DACT3: variants seen among roughly 807,000 people sequenced by gnomAD.
DACT3 encodes the protein dishevelled binding antagonist of beta catenin 3.
Under a neutral mutation model 19.6 loss-of-function variants are expected in DACT3, and 5 were observed. The observed-to-expected ratio is 0.26, with a 90% CI of 0.13 to 0.54. The LOEUF is 0.54. DACT3 is among the 20% of genes least tolerant of loss of function. The pLI is 0.95. For missense variants in DACT3, 908 were observed against 927.4 expected (o/e 0.98, Z 0.27); for synonymous variants, 454 against 428.1 (o/e 1.06, Z -0.75).
chr19:46,649,606 G>C lies in DACT3; in HGVS notation c.766C>G (p.Leu256Val). The C allele has an allele frequency of 5.3e-6, 6 of 1,129,420 alleles. No individual in the cohort carries two copies. The highest frequency in any genetic ancestry group is 2.9e-5 in the South Asian group (1 of 34,886). The allele number at this position is 1,129,420 out of a possible 1,614,324, so 70.0% of individuals were successfully genotyped here. A position where few individuals can be genotyped will look rare whatever the true frequency, so the allele number is the denominator to read the frequency against. The part of the protein sequence containing the change: ...GRPLDGYISA[L>V]LRRRRRRGAG... ...CCCCGGCGGCGGCGCCTGCGCAGGAGCGCCGAGATGTAGCCGTCCAGGGGC... is the reference window on the plus strand; with the variant it reads ...CCCCGGCGGCGGCGCCTGCGCAGGACCGCCGAGATGTAGCCGTCCAGGGGC... The change falls in exon 4 of 4, where the codon CTC becomes GTC. Residue 256 changes from leucine (L) to valine (V), a missense_variant. Leu to Val is a conservative substitution (Grantham distance 32, BLOSUM62 1). Around this residue, in one of 2 missense-constraint regions of DACT3, gnomAD observed 656 missense variants for 601.8 expected, o/e 1.09. Coordinates refer to ENST00000391916, the MANE Select transcript of DACT3 (RefSeq NM_145056.3).
rs566878768 is a variant in DACT3, at chr19:46,659,390, G to C, written c.249+1426C>G. 19 of 974,538 alleles carry C rather than the reference G, an allele frequency of 1.9e-5. No individual in the cohort carries two copies. The East Asian group carries it at 1.4e-3, about 71-fold the overall frequency. The allele number at this position is 974,538 out of a possible 1,614,324, so 60.4% of individuals were successfully genotyped here. On this transcript the variant is annotated intron_variant, in intron 1 of 3. Transcript: ENST00000391916. The stretch of plus-strand genomic sequence containing the variant: ...AAAAGGGGAGAGACCGAGGGCAGAG[G>C]GGGAGAGGACACAGCTACCCACAGC...
rs1176342099 is a variant in DACT3, at chr19:46,660,621, C to A, written c.249+195G>T. Among the ~76,000 whole-genome samples, 3 of 152,154 alleles carry A rather than the reference C, an allele frequency of 2.0e-5. No individual in the cohort carries two copies. The highest frequency in any genetic ancestry group is 7.2e-5 in the African/African-American group (3 of 41,438). On this transcript the variant is annotated intron_variant, in intron 1 of 3. Transcript: ENST00000391916. The surrounding 1 kb of genome is among the most constrained non-coding windows in gnomAD (Gnocchi z 4.9). ...GGCCCCAGTGGGGGCGATGCAGTTC[C>A]CCCTCCCCCGATTTGGGGGCGGGGA...
At position 46,649,733 on chromosome 19, in the gene DACT3, C is replaced by T; in HGVS notation, c.639G>A (p.Gly213=). The T allele has an allele frequency of 4.8e-6, 6 of 1,259,172 alleles. No homozygotes were observed. The highest frequency in any genetic ancestry group is 6.0e-6 in the Non-Finnish European group (6 of 1,002,698). The allele number at this position is 1,259,172 out of a possible 1,614,324, so 78.0% of individuals were successfully genotyped here. ...CSSAERRARA[G]PFLTPSPLHA... ...GCAGGGGGCTGGGCGTCAGAAAGGG[C>T]CCGGCGCGGGCCCGCCGCTCCGCCG... The change falls in exon 4 of 4, where the codon GGG becomes GGA. Residue 213 remains glycine, a synonymous_variant. Transcript: ENST00000391916.
chr19:46,659,693 C>T (rs960696362), intron 1 of DACT3, among the ~76,000 whole-genome samples: 1 of 152,044 alleles, frequency 6.6e-6, no homozygotes, highest in African/African-American at 2.4e-5. Context: ...AGGTCAGCGG[C>T]GGGGAGAGCC....
chr19:46,651,682 GTGTGT>G (rs1385665986), intron 3 of DACT3: 1 of 153,016 alleles, frequency 6.5e-6, no homozygotes, highest in Non-Finnish European at 1.4e-5. Flanking sequence ...GTGTGTGTGT[GTGTGT>G]GTGTGGTTGG....
Position 46,649,783 on chromosome 19 carries a change from A to AC in DACT3, c.588dup (p.Ser197ValfsTer155), listed in dbSNP as rs1233084601. On this transcript the variant is annotated frameshift_variant, in exon 4 of 4. Coordinates refer to ENST00000391916, the MANE Select transcript of DACT3 (RefSeq NM_145056.3). LOFTEE classifies it low-confidence loss of function (END_TRUNC). ...GAGGAGCAGGCCTCCGGGCCGGCGG[A>AC]CCCCCCTGCCGTCGGGTAGGGCGCT... 6 of 1,330,552 alleles carry AC rather than the reference A, an allele frequency of 4.5e-6. No individual in the cohort carries two copies. Among genetic ancestry groups the AC allele is most frequent in the East Asian group, 3.1e-5 (1 of 32,000 alleles). The allele number at this position is 1,330,552 out of a possible 1,614,324, so 82.4% of individuals were successfully genotyped here. A position where few individuals can be genotyped will look rare whatever the true frequency, so the allele number is the denominator to read the frequency against.
In DACT3 at chr19:46,660,461, C is replaced by A; in HGVS notation, c.249+355G>T. On this transcript the variant is annotated intron_variant, in intron 1 of 3. Coordinates refer to ENST00000391916, the MANE Select transcript of DACT3 (RefSeq NM_145056.3). The surrounding 1 kb of genome is among the most constrained non-coding windows in gnomAD (Gnocchi z 4.9). The stretch of plus-strand genomic sequence containing the variant: ...AATTTGTTTCTCTGTTAAATGGGGA[C>A]TATCACCCCGTTTCCCAAGCCGCAA... 4.0e-6 allele frequency: 1 copy of A among 249,876 alleles called. No individual in the cohort carries two copies. Among genetic ancestry groups the A allele is most frequent in the Non-Finnish European group, 7.7e-6 (1 of 130,086 alleles). The allele number at this position is 249,876 out of a possible 1,614,324, so 15.5% of individuals were successfully genotyped here.
In DACT3 at chr19:46,661,165, G is replaced by A. The variant is rs1355601072; in HGVS notation, c.-101C>T. 1.4e-5 allele frequency: 17 copies of A among 1,245,324 alleles called. No individual in the cohort carries two copies. The highest frequency in any genetic ancestry group is 1.6e-5 in the Non-Finnish European group (16 of 970,350). The allele number at this position is 1,245,324 out of a possible 1,614,324, so 77.1% of individuals were successfully genotyped here. The stretch of plus-strand genomic sequence containing the variant: ...GCCTGCCCGCCCGCCCGCTGGCCGG[G>A]CTGTCACCGTCTCATCTGCATAGGC... On this transcript the variant is annotated 5_prime_UTR_variant, in exon 1 of 4. Coordinates refer to ENST00000391916, the MANE Select transcript of DACT3 (RefSeq NM_145056.3).
At position 46,652,665 on chromosome 19, in the gene DACT3, G is replaced by A; in HGVS notation, c.494C>T (p.Ser165Phe). Residue 165 changes from serine to phenylalanine, a missense_variant, in exon 3 of 4, where the codon TCC (serine) becomes TTC (phenylalanine). By Grantham distance (155) the Ser-to-Phe change is radical. Transcript: ENST00000391916. ...CCCACCCTCACCCACCTTACCTAGG[G>A]ACTTGGGCCTCTCACTGGCATAGAT... ...RGIYASERPK[S>F]LGDASPSAPE... is the part of the protein sequence containing the mutation. 6.4e-7 allele frequency: 1 copy of A among 1,551,002 alleles called. No individual in the cohort carries two copies. The highest frequency in any genetic ancestry group is 8.7e-7 in the Non-Finnish European group (1 of 1,146,992).
chr19:46,652,944 T>TC (rs1200991166), intron 2 of DACT3, 35 bp downstream of exon 2: 4 of 1,548,074 alleles, frequency 2.6e-6, no homozygotes, highest in East Asian at 2.4e-5. Flanking sequence ...CATGGAGGCG[T>TC]CCCAGGCAAA....
At chr19:46,658,070 G>A (rs1419342302) in intron 1 of DACT3, among the ~76,000 whole-genome samples, 2 of 151,944 alleles carry the variant, frequency 1.3e-5, no homozygotes, top group Admixed American at 1.3e-4. Flanking sequence ...TCTGGCCTGG[G>A]TGACAGAGCA....
intron 1 of DACT3, chr19:46,654,554 A>G: frequency 1.0e-6 from 1 of 985,436 alleles, no homozygotes; most frequent in Non-Finnish European, 1.2e-6. Flanking sequence ...GCTGCAGGAA[A>G]AGAGCACTTC....
chr19:46,653,510 CCTT>C (rs1316191270), intron 1 of DACT3, among the ~76,000 whole-genome samples: 2 of 140,704 alleles, frequency 1.4e-5, no homozygotes, highest in African/African-American at 5.2e-5. Flanking sequence ...CATAGGTCTG[CCTT>C]CTTCTCCAAG....
In DACT3 at chr19:46,648,286, A is replaced by T; in HGVS notation, c.*196T>A. On this transcript the variant is annotated 3_prime_UTR_variant, in exon 4 of 4. Transcript: ENST00000391916. This position sits in a 1 kb window ranked among gnomAD's most constrained non-coding sequence, Gnocchi z 5.1. ...CAAGCTAGAAGCTGAACTGGGTCAA[A>T]CAGGGCTCCTCCCCATTCCTCTCGG... 1.1e-6 allele frequency: 1 copy of T among 891,020 alleles called. No individual in the cohort carries two copies. Among genetic ancestry groups the T allele is most frequent in the Non-Finnish European group, 1.7e-6 (1 of 592,876 alleles). The allele number at this position is 891,020 out of a possible 1,614,324, so 55.2% of individuals were successfully genotyped here.
Position 46,659,275 on chromosome 19 carries a change from G to C in DACT3, c.249+1541C>G. ...ACAGGCCTCTCCACTATCAGCTCGT[G>C]CCGGGAGGACAGAGGGCTGAGGGGG... is the stretch of plus-strand genomic sequence containing the variant. On this transcript the variant is annotated intron_variant, in intron 1 of 3. Transcript: ENST00000391916. The C allele has an allele frequency of 4.1e-6, 4 of 984,566 alleles. No individual in the cohort carries two copies. In the South Asian group the frequency reaches 1.4e-4, roughly 35 times the overall value. 61.0% of individuals were successfully genotyped at this position (984,566 alleles called of 1,614,324 possible). A position where few individuals can be genotyped will look rare whatever the true frequency, so the allele number is the denominator to read the frequency against.
intron 1 of DACT3, among the ~76,000 whole-genome samples, chr19:46,657,033 C>T (rs947155818): frequency 2.0e-5 from 3 of 152,150 alleles, no homozygotes; most frequent in African/African-American, 7.2e-5. Context: ...AAAAGCTCTA[C>T]GTTTTTTGGT....
chr19:46,654,649 C>T, intron 1 of DACT3: 1 of 985,470 alleles, frequency 1.0e-6, no homozygotes, highest in Non-Finnish European at 1.2e-6. Context: ...TCACATGGGT[C>T]TGAGTGAGGC....
chr19:46,660,441 G>T lies in DACT3; in HGVS notation c.249+375C>A. ...GCTTGCTCTCTCTGAGCCTCAATTT[G>T]TTTCTCTGTTAAATGGGGACTATCA... On this transcript the variant is annotated intron_variant, in intron 1 of 3. Coordinates refer to ENST00000391916, the MANE Select transcript of DACT3 (RefSeq NM_145056.3). The surrounding 1 kb of genome is among the most constrained non-coding windows in gnomAD (Gnocchi z 4.9). 5.1e-6 allele frequency: 1 copy of T among 197,314 alleles called. No individual in the cohort carries two copies. The highest frequency in any genetic ancestry group is 6.2e-5 in the Admixed American group (1 of 16,128). 12.2% of individuals were successfully genotyped at this position (197,314 alleles called of 1,614,324 possible).
intron 1 of DACT3, chr19:46,659,291 G>A: frequency 2.0e-6 from 2 of 981,194 alleles, no homozygotes; most frequent in Non-Finnish European, 2.4e-6. Context: ...AGGACAGAGG[G>A]CTGAGGGGGA....
Sources: allele counts gnomAD v4.1 joint callset (sites outside exome capture counted in the v4.1 genomes callset), GRCh38; gene constraint gnomAD v4.1.1; regional missense constraint gnomAD v4.1.1; non-coding constraint Gnocchi (gnomAD v3.1); transcripts MANE v1.5; gene names NCBI Gene and HGNC (gene_info 2026-07-23, HGNC 2026-07-21).